Variants in KLF7 observed in about 807,000 individuals in gnomAD.
KLF7 encodes the protein KLF transcription factor 7.
KLF7 carries 2 observed loss-of-function variants against 27.3 expected under a neutral mutation model. The observed-to-expected ratio is 0.07, with a 90% CI of 0.03 to 0.23. The LOEUF is 0.23. Among genes scored for constraint, KLF7 ranks in the 10% least tolerant of loss-of-function variants. The pLI, the probability that KLF7 is intolerant of heterozygous loss-of-function variation, is 1.00. For missense variants in KLF7, 221 were observed against 394.1 expected, an observed-to-expected ratio of 0.56 and a Z score of 3.72; for synonymous variants, 165 against 162.4, an observed-to-expected ratio of 1.02 and a Z score of -0.12.
chr2:207,166,461 C>G (rs982406248), upstream of KLF7: 6 of 152,240 alleles, frequency 3.9e-5, no homozygotes, highest in Admixed American at 2.6e-4. Flanking sequence ...TGGGCTCGGG[C>G]TGGTCGCCGA....
At chr2:207,118,222 T>C (rs1236247547) in intron 2 of KLF7, among the ~76,000 whole-genome samples, 1 of 152,232 alleles carries the variant, frequency 6.6e-6, no homozygotes, top group Non-Finnish European at 1.5e-5. Context: ...ACATTTGTCA[T>C]TTTAATGCGT....
upstream of KLF7, among the ~76,000 whole-genome samples, chr2:207,169,273 G>A (rs1484956902): frequency 6.6e-6 from 1 of 151,960 alleles, no homozygotes; most frequent in African/African-American, 2.4e-5. Flanking sequence ...CCCCACCCGG[G>A]GGGAGCTTAG....
chr2:207,120,234 G>T (rs2077300928), intron 2 of KLF7, among the ~76,000 whole-genome samples: 1 of 152,022 alleles, frequency 6.6e-6, no homozygotes. Flanking sequence ...AATTTTGAAG[G>T]ATTCAGCATC....
chr2:207,104,825 T>C (rs1574459537), intron 2 of KLF7, among the ~76,000 whole-genome samples: 1 of 152,368 alleles, frequency 6.6e-6, no homozygotes, highest in African/African-American at 2.4e-5. Context: ...TATTTTCTGA[T>C]AAAACAAATG....
intron 2 of KLF7, among the ~76,000 whole-genome samples, chr2:207,100,258 G>A (rs954800202): frequency 1.3e-5 from 2 of 152,168 alleles, no homozygotes; most frequent in Non-Finnish European, 1.5e-5. Flanking sequence ...CTTTTTAGAG[G>A]CAAATTTCAA....
intron 1 of KLF7, among the ~76,000 whole-genome samples, chr2:207,137,039 A>G (rs1459084033): frequency 2.0e-5 from 3 of 152,148 alleles, no homozygotes; most frequent in African/African-American, 7.2e-5. Context: ...TCAGCAGTCC[A>G]TATTGCATCA....
rs906755445 is a variant in KLF7, at chr2:207,132,761, A to G, written c.103-8357T>C. Among the ~76,000 whole-genome samples the G allele has an allele frequency of 1.6e-4, 24 of 152,238 alleles. 1 individual carries two copies. Among genetic ancestry groups the G allele is most frequent in the African/African-American group, 5.5e-4 (23 of 41,456 alleles). On this transcript the variant is annotated intron_variant, in intron 1 of 3. Transcript: ENST00000309446. ...CATAACCTGGGCAGAGCTGGTAGCT[A>G]TGGCCCAGGCCTCACACCGCTTGAA...
intron 1 of KLF7, among the ~76,000 whole-genome samples, chr2:207,131,831 G>T (rs2077644473): frequency 6.6e-6 from 1 of 152,158 alleles, no homozygotes; most frequent in Non-Finnish European, 1.5e-5. Context: ...GGAGGAAAAA[G>T]ATGTACTATG....
intron 1 of KLF7, among the ~76,000 whole-genome samples, chr2:207,143,534 G>C (rs1034637506): frequency 1.3e-5 from 2 of 152,072 alleles, no homozygotes; most frequent in African/African-American, 4.8e-5. Flanking sequence ...GCCTCTCTCT[G>C]TTGATGTTTT....
At chr2:207,085,872 A>G (rs896143712) in intron 3 of KLF7, among the ~76,000 whole-genome samples, 5 of 152,152 alleles carry the variant, frequency 3.3e-5, no homozygotes, top group Admixed American at 2.6e-4. Flanking sequence ...CTTCAGCTAC[A>G]TCCAATTACA....
chr2:207,129,080 T>C (rs992031190), intron 1 of KLF7, among the ~76,000 whole-genome samples: 7 of 152,180 alleles, frequency 4.6e-5, no homozygotes, highest in African/African-American at 1.7e-4. Context: ...TGTATGGTTT[T>C]TGCAACATTT....
At chr2:207,152,215 C>G (rs1290189877) in intron 1 of KLF7, among the ~76,000 whole-genome samples, 2 of 149,192 alleles carry the variant, frequency 1.3e-5, no homozygotes, top group Non-Finnish European at 3.0e-5. Flanking sequence ...ATGGAATTCT[C>G]TACAACATGC....
intron 1 of KLF7, among the ~76,000 whole-genome samples, chr2:207,130,359 G>C (rs1473289891): frequency 6.6e-6 from 1 of 152,168 alleles, no homozygotes; most frequent in African/African-American, 2.4e-5. Context: ...CAATTAAACG[G>C]TATTTCCAAA....
rs1429133421 is a variant in KLF7 at position 207,077,923 on chromosome 2, C to A, written c.*3290G>T. 6.6e-6 allele frequency: 1 copy of A among 152,138 alleles called. No individual in the cohort carries two copies. The highest frequency in any genetic ancestry group is 2.4e-5 in the African/African-American group (1 of 41,412). The allele number at this position is 152,138 out of a possible 1,614,324, so 9.4% of individuals were successfully genotyped here. On this transcript the variant is annotated 3_prime_UTR_variant, in exon 4 of 4. Transcript: ENST00000309446. ...GGTTTTTCCTTTCAAATTTGGGATC[C>A]CCTGGAGGGTTAGGAGGTAACAACT...
At chr2:207,101,858 T>A (rs1192562191) in intron 2 of KLF7, among the ~76,000 whole-genome samples, 2 of 152,220 alleles carry the variant, frequency 1.3e-5, no homozygotes, top group Non-Finnish European at 2.9e-5. Context: ...ACATTCTATG[T>A]AGCTCCACAA....
chr2:207,098,448 TAAGTC>T (rs1410396490), intron 2 of KLF7, among the ~76,000 whole-genome samples: 1 of 152,202 alleles, frequency 6.6e-6, no homozygotes, highest in Non-Finnish European at 1.5e-5. Flanking sequence ...TATCACTCTG[TAAGTC>T]AAGTTCTCAC....
At chr2:207,123,623 T>C (rs1052720501) in intron 2 of KLF7, 151 bp downstream of exon 2, 2 of 772,212 alleles carry the variant, frequency 2.6e-6, no homozygotes, top group South Asian at 1.9e-5. Flanking sequence ...AACAAGTGAG[T>C]CATTCTTTGT....
At chr2:207,136,141 A>G (rs980112702) in intron 1 of KLF7, among the ~76,000 whole-genome samples, 37 of 152,286 alleles carry the variant, frequency 2.4e-4, no homozygotes, top group Admixed American at 2.3e-3. Flanking sequence ...CCTTTCCAGC[A>G]AACTACTGAA....
chr2:207,143,476 T>C (rs1008794209), intron 1 of KLF7, among the ~76,000 whole-genome samples: 4 of 152,074 alleles, frequency 2.6e-5, no homozygotes, highest in Non-Finnish European at 4.4e-5. Context: ...ATTTTGTCAG[T>C]TGAGGGAACT....
Sources: gnomAD v4.1 joint callset for allele counts (sites outside exome capture counted in the v4.1 genomes callset) on GRCh38, gnomAD v4.1.1 for gene constraint, MANE v1.5 for transcripts, NCBI Gene and HGNC (gene_info 2026-07-23, HGNC 2026-07-21) for gene names.